The following HTR4 variants were observed in gnomAD, a reference collection of about 807,000 sequenced individuals.
HTR4 encodes the protein 5-hydroxytryptamine (serotonin) receptor 4, G protein-coupled.
Under a neutral mutation model 36.8 loss-of-function variants are expected in HTR4, and 16 were observed. The observed-to-expected ratio is 0.43, with a 90% confidence interval of 0.29 to 0.66. The LOEUF is 0.66. Among genes scored for constraint, HTR4 ranks in the 30% least tolerant of loss-of-function variants. The probability of loss-of-function intolerance (pLI) is 0.13; values close to 1 mark genes in which losing one functional copy is unlikely to be tolerated. For missense variants in HTR4, 438 were observed against 490.9 expected (o/e 0.89, Z 1.02); for synonymous variants, 189 against 185.1 (o/e 1.02, Z -0.17).
intron 1 of HTR4, chr5:148,645,155 T>C (rs1753844107): frequency 6.6e-6 from 1 of 152,162 alleles, no homozygotes; most frequent in Non-Finnish European, 1.5e-5. Flanking sequence ...AGGAGTAGAA[T>C]TCAAATGGCT....
intron 2 of HTR4, among the ~76,000 whole-genome samples, chr5:148,572,046 A>T (rs1472972680): frequency 6.6e-6 from 1 of 151,382 alleles, no homozygotes; most frequent in African/African-American, 2.4e-5. Context: ...ATGCTGAGAT[A>T]AAAAAATTAA....
At chr5:148,505,862 C>T (rs557774788) in intron 6 of HTR4, among the ~76,000 whole-genome samples, 4 of 151,822 alleles carry the variant, frequency 2.6e-5, no homozygotes, top group African/African-American at 4.8e-5. Context: ...CACTGCTCAA[C>T]GAAATAAAAG....
chr5:148,454,279 C>T (rs1420631102), intron 5 of HTR4, among the ~76,000 whole-genome samples: 3 of 152,266 alleles, frequency 2.0e-5, no homozygotes, highest in Middle Eastern at 3.4e-3. Flanking sequence ...GTAAGAAAAA[C>T]ATTAACACAG....
At chr5:148,503,021 G>A (rs956321577) in intron 6 of HTR4, among the ~76,000 whole-genome samples, 4 of 152,338 alleles carry the variant, frequency 2.6e-5, no homozygotes, top group East Asian at 1.9e-4. Context: ...TCTGATTGGT[G>A]TACCTGAAAG....
intron 1 of HTR4, among the ~76,000 whole-genome samples, chr5:148,647,117 T>C (rs188210352): frequency 1.3e-5 from 2 of 152,320 alleles, no homozygotes; most frequent in Admixed American, 1.3e-4. Flanking sequence ...TCAGTGTGGT[T>C]AAGACATCCA....
At chr5:148,473,806 G>A (rs376075529), downstream of HTR4, among the ~76,000 whole-genome samples, 12 of 152,040 alleles carry the variant, frequency 7.9e-5, no homozygotes, top group South Asian at 2.1e-4. Context: ...GCTAGTGAGC[G>A]GCAAAATGCA....
At chr5:148,476,719 G>A (rs985841073), downstream of HTR4, 1 of 1,612,776 alleles carries the variant, frequency 6.2e-7, no homozygotes, top group African/African-American at 1.3e-5. Flanking sequence ...AATAAGAATT[G>A]GCCACAGTCC....
intron 4 of HTR4, among the ~76,000 whole-genome samples, 162 bp downstream of exon 4, chr5:148,548,506 G>A (rs1410327183): frequency 6.6e-6 from 1 of 152,126 alleles, no homozygotes; most frequent in Non-Finnish European, 1.5e-5. Flanking sequence ...CTAAAAAGGG[G>A]GCCTCTGCAA....
chr5:148,540,004 A>T (rs1759024635), intron 4 of HTR4, among the ~76,000 whole-genome samples: 4 of 152,154 alleles, frequency 2.6e-5, no homozygotes, highest in Admixed American at 2.6e-4. Context: ...GATAACAAAA[A>T]TGTGGTACAT....
chr5:148,610,104 G>A (rs888826039), intron 2 of HTR4, among the ~76,000 whole-genome samples: 12 of 152,168 alleles, frequency 7.9e-5, no homozygotes, highest in Non-Finnish European at 1.6e-4. Context: ...ATAAAACATT[G>A]CTCATCACAA....
intron 1 of HTR4, among the ~76,000 whole-genome samples, chr5:148,648,805 C>G (rs1212354210): frequency 6.6e-6 from 1 of 152,142 alleles, no homozygotes; most frequent in Non-Finnish European, 1.5e-5. Flanking sequence ...ACTAAGAGAA[C>G]AGACTCCTGG....
At chr5:148,555,034 T>C (rs1759877192) in intron 2 of HTR4, among the ~76,000 whole-genome samples, 1 of 151,386 alleles carries the variant, frequency 6.6e-6, no homozygotes, top group Admixed American at 6.6e-5. Context: ...ATGCTTATTT[T>C]ATATATTAAT....
At chr5:148,552,607 C>G (rs1196598297) in intron 2 of HTR4, among the ~76,000 whole-genome samples, 1 of 152,188 alleles carries the variant, frequency 6.6e-6, no homozygotes. Context: ...TCTTGTCATT[C>G]AGGCCTCAGA....
chr5:148,602,426 A>T (rs1253198300), intron 2 of HTR4, among the ~76,000 whole-genome samples: 2 of 152,222 alleles, frequency 1.3e-5, no homozygotes, highest in African/African-American at 4.8e-5. Flanking sequence ...AATGTTTCAA[A>T]CTAGGTGATA....
Position 148,481,546 on chromosome 5 carries a change from CTTT to C in HTR4, c.*1654_*1656del. 1 of 1,338,762 alleles carries C rather than the reference CTTT, an allele frequency of 7.5e-7. No homozygotes were observed. Among genetic ancestry groups the C allele is most frequent in the Non-Finnish European group, 1.0e-6 (1 of 999,378 alleles). The allele number at this position is 1,338,762 out of a possible 1,614,324, so 82.9% of individuals were successfully genotyped here. A position where few individuals can be genotyped will look rare whatever the true frequency, so the allele number is the denominator to read the frequency against. Reference sequence around the variant, plus strand: ...ATAGGACAGAGAGGCTTTTTTTTTTCTTTTTCTTTTTGGCATTTGGATGGTTTG... The same window carrying C: ...ATAGGACAGAGAGGCTTTTTTTTTTCTTCTTTTTGGCATTTGGATGGTTTG... On this transcript the variant is annotated 3_prime_UTR_variant, in exon 7 of 7. Transcript: ENST00000377888.
intron 5 of HTR4, among the ~76,000 whole-genome samples, chr5:148,451,507 G>C (rs932500933): frequency 1.3e-5 from 2 of 152,114 alleles, no homozygotes; most frequent in African/African-American, 4.8e-5. Context: ...AGGCCTAGGA[G>C]TGCATAGGGG....
chr5:148,588,148 C>T (rs1377031403), intron 2 of HTR4, among the ~76,000 whole-genome samples: 1 of 152,204 alleles, frequency 6.6e-6, no homozygotes, highest in African/African-American at 2.4e-5. Flanking sequence ...AGCTGAGTCT[C>T]CCCTGCTGAA....
chr5:148,578,411 T>G (rs1248312267), intron 2 of HTR4, among the ~76,000 whole-genome samples: 1 of 152,104 alleles, frequency 6.6e-6, no homozygotes, highest in East Asian at 1.9e-4. Context: ...CTGTTAGTTA[T>G]TAGTTCTTTT....
intron 2 of HTR4, among the ~76,000 whole-genome samples, chr5:148,625,060 A>G (rs1315939313): frequency 6.6e-6 from 1 of 152,160 alleles, no homozygotes; most frequent in African/African-American, 2.4e-5. Context: ...TCAGGAGATG[A>G]TAAATGACTT....
Sources: allele counts gnomAD v4.1 joint callset (sites outside exome capture counted in the v4.1 genomes callset), GRCh38; gene constraint gnomAD v4.1.1; transcripts MANE v1.5; gene names NCBI Gene and HGNC (gene_info 2026-07-23, HGNC 2026-07-21).